Variants in NGEF observed in about 807,000 individuals in gnomAD.
NGEF encodes the protein ephexin-1.
In NGEF, 31 loss-of-function variants were observed where a neutral mutation model predicts 80.9. The observed-to-expected ratio is 0.38, with a 90% CI of 0.29 to 0.52. The LOEUF (loss-of-function observed/expected upper bound fraction) is 0.52. Ranked by LOEUF, NGEF falls within the 20% of genes least tolerant of loss-of-function variation. The pLI, the probability that NGEF is intolerant of heterozygous loss-of-function variation, is 0.84. For missense variants in NGEF, 709 were observed against 926.2 expected (o/e 0.77, Z 3.04); for synonymous variants, 371 against 370.2 (o/e 1.00, Z -0.03).
At chr2:232,936,221 T>C (rs1693320973) in intron 3 of NGEF, among the ~76,000 whole-genome samples, 1 of 152,176 alleles carries the variant, frequency 6.6e-6, no homozygotes, top group African/African-American at 2.4e-5. Context: ...GCTGGAAGTA[T>C]TTTACCGGTG....
At chr2:232,960,606 C>T (rs1183484700) in intron 3 of NGEF, among the ~76,000 whole-genome samples, 2 of 152,192 alleles carry the variant, frequency 1.3e-5, no homozygotes, top group Non-Finnish European at 2.9e-5. Context: ...AGGCCTGGAG[C>T]GGTGGCTCAT....
chr2:232,978,203 G>A (rs1357070192), intron 1 of NGEF, among the ~76,000 whole-genome samples: 5 of 151,334 alleles, frequency 3.3e-5, no homozygotes, highest in South Asian at 2.1e-4. Flanking sequence ...TATCAGTATC[G>A]TCATTATTTT....
intron 9 of NGEF, among the ~76,000 whole-genome samples, chr2:232,886,791 G>C (rs1476256123): frequency 6.6e-6 from 1 of 152,256 alleles, no homozygotes; most frequent in African/African-American, 2.4e-5. Flanking sequence ...GCCCCGTGTG[G>C]CTGCTGTCTG....
chr2:233,011,859 C>T (rs1459344900), intron 1 of NGEF, among the ~76,000 whole-genome samples: 1 of 152,116 alleles, frequency 6.6e-6, no homozygotes, highest in Non-Finnish European at 1.5e-5. Flanking sequence ...CCCTGGCTTT[C>T]CTGTGGGGAT....
intron 5 of NGEF, among the ~76,000 whole-genome samples, chr2:232,909,514 G>A (rs930323951): frequency 6.6e-6 from 1 of 151,880 alleles, no homozygotes; most frequent in South Asian, 2.1e-4. Flanking sequence ...ATTTTGTTAG[G>A]TCAAACACAA....
chr2:232,909,745 GC>G (rs966295389), intron 5 of NGEF, among the ~76,000 whole-genome samples: 3 of 151,972 alleles, frequency 2.0e-5, no homozygotes, highest in African/African-American at 7.3e-5. Context: ...TAACCCTTGG[GC>G]AACCATCCCA....
intron 5 of NGEF, among the ~76,000 whole-genome samples, chr2:232,908,917 TG>T (rs1692635421): frequency 6.6e-6 from 1 of 152,216 alleles, no homozygotes. Flanking sequence ...AACTAATTTT[TG>T]CATGTTTATC....
At chr2:232,974,510 C>G in intron 2 of NGEF, 113 bp downstream of exon 2, 2 of 1,267,916 alleles carry the variant, frequency 1.6e-6, no homozygotes, top group South Asian at 2.9e-5. Flanking sequence ...TTGAAACTGT[C>G]CTTGGTACTT....
chr2:232,919,801 C>T (rs74350503), intron 5 of NGEF, among the ~76,000 whole-genome samples: 2,160 of 152,256 alleles, frequency 0.014, 22 homozygotes, highest in South Asian at 0.042. Flanking sequence ...AGCAGATGGG[C>T]AAGCTGAGGG....
At chr2:232,975,135 C>A (rs1276899751) in intron 1 of NGEF, among the ~76,000 whole-genome samples, 171 bp from the exon 2 acceptor site, 3 of 152,192 alleles carry the variant, frequency 2.0e-5, no homozygotes, top group African/African-American at 7.2e-5. Context: ...AATTTGGAGG[C>A]ATTCACGTAT....
intron 3 of NGEF, among the ~76,000 whole-genome samples, chr2:232,928,462 C>T (rs1441627671): frequency 1.3e-5 from 2 of 151,778 alleles, no homozygotes; most frequent in African/African-American, 4.8e-5. Context: ...AGGCCACCCT[C>T]GGCTCCCCAG....
At chr2:233,008,522 C>A (rs1216844337) in intron 1 of NGEF, among the ~76,000 whole-genome samples, 1 of 152,220 alleles carries the variant, frequency 6.6e-6, no homozygotes, top group African/African-American at 2.4e-5. Context: ...TTGGGACTGA[C>A]CCTGGCCACT....
Position 232,970,151 on chromosome 2 carries a change from G to T in NGEF, c.383+63C>A. Reference sequence around the variant, plus strand: ...ACCCTCGTAACCCTGTCAAGTCTTTGCAGCAATGACCTCTGATGCATCTTT... The same window carrying T: ...ACCCTCGTAACCCTGTCAAGTCTTTTCAGCAATGACCTCTGATGCATCTTT... On this transcript the variant is annotated intron_variant, in intron 3 of 14. Transcript: ENST00000264051. 3 of 904,262 alleles carry T rather than the reference G, an allele frequency of 3.3e-6. No homozygotes were observed. In the South Asian group the frequency reaches 5.8e-5, roughly 17 times the overall value. 56.0% of individuals were successfully genotyped at this position (904,262 alleles called of 1,614,324 possible).
intron 1 of NGEF, among the ~76,000 whole-genome samples, chr2:233,011,048 C>T (rs943846487): frequency 2.6e-5 from 4 of 152,098 alleles, no homozygotes; most frequent in South Asian, 2.1e-4. Context: ...CGCTGGGCCA[C>T]GGTGCCTCTC....
At chr2:232,896,923 A>C (rs1182890923) in intron 5 of NGEF, among the ~76,000 whole-genome samples, 1 of 39,952 alleles carries the variant, frequency 2.5e-5, no homozygotes, top group Non-Finnish European at 4.8e-5. Flanking sequence ...GGTAGGGATG[A>C]GGTGAGGGTA....
chr2:232,995,050 GTA>G (rs146592798), intron 1 of NGEF, among the ~76,000 whole-genome samples: 1 of 93,188 alleles, frequency 1.1e-5, no homozygotes, highest in Non-Finnish European at 2.2e-5. Flanking sequence ...TATGTATACT[GTA>G]TATATGTACA....
At chr2:232,997,791 G>T (rs1030794514) in intron 1 of NGEF, among the ~76,000 whole-genome samples, 5 of 152,146 alleles carry the variant, frequency 3.3e-5, no homozygotes, top group African/African-American at 1.2e-4. Flanking sequence ...CTGCTCGGGG[G>T]TGTTAGCTGA....
intron 3 of NGEF, among the ~76,000 whole-genome samples, chr2:232,948,383 G>A (rs577074840): frequency 6.6e-6 from 1 of 152,180 alleles, no homozygotes; most frequent in African/African-American, 2.4e-5. Context: ...TAGAATGATT[G>A]TTAATTTTCT....
At chr2:232,919,211 T>C (rs368400504) in intron 5 of NGEF, among the ~76,000 whole-genome samples, 4 of 152,330 alleles carry the variant, frequency 2.6e-5, no homozygotes, top group East Asian at 3.9e-4. Flanking sequence ...GGCTACTGTT[T>C]CATGTTTTAA....
Sources: gnomAD v4.1 joint callset for allele counts (sites outside exome capture counted in the v4.1 genomes callset) on GRCh38, gnomAD v4.1.1 for gene constraint, MANE v1.5 for transcripts, NCBI Gene and HGNC (gene_info 2026-07-23, HGNC 2026-07-21) for gene names.